Variants in COL9A1 observed in about 807,000 individuals in gnomAD.
The protein encoded by COL9A1 is collagen type IX alpha 1 chain, also known as collagen alpha-1(IX) chain.
COL9A1 carries 104 observed loss-of-function variants against 142.6 expected under a neutral mutation model. The observed-to-expected ratio is 0.73, with a 90% confidence interval of 0.62 to 0.86. The LOEUF is 0.86. COL9A1 is among the 40% of genes least tolerant of loss of function. The probability of loss-of-function intolerance (pLI) is 0.00; values close to 1 mark genes in which losing one functional copy is unlikely to be tolerated. For synonymous variants in COL9A1, 466 were observed against 396.0 expected, an observed-to-expected ratio of 1.18 and a Z score of -2.10; for missense variants, 1,210 against 1,176.6, an observed-to-expected ratio of 1.03 and a Z score of -0.42.
In COL9A1 at chr6:70,301,387, C is replaced by T. The variant is rs534156853; in HGVS notation, c.88+614G>A. 9.2e-5 allele frequency among the ~76,000 whole-genome samples: 14 copies of T among 152,186 alleles called. No homozygotes were observed. In the South Asian group the frequency reaches 2.9e-3, roughly 32 times the overall value. ...GGTCAGGTGTTCAAGACCAGCCTGA[C>T]CAACATGGTGAAAGCCCGTCTCTAC... is the stretch of plus-strand genomic sequence containing the variant. On this transcript the variant is annotated intron_variant, in intron 2 of 37. Transcript: ENST00000357250.
intron 36 of COL9A1, among the ~76,000 whole-genome samples, chr6:70,227,031 A>T (rs990432994): frequency 6.6e-6 from 1 of 152,138 alleles, no homozygotes; most frequent in African/African-American, 2.4e-5. Flanking sequence ...TACATACAGG[A>T]TTTGGGTTTA....
intron 10 of COL9A1, 184 bp from the exon 11 acceptor site, chr6:70,274,956 T>C (rs1227287807): frequency 1.7e-6 from 1 of 596,278 alleles, no homozygotes; most frequent in Non-Finnish European, 3.0e-6. Flanking sequence ...AAGATCTGCC[T>C]GTTGTGATTA....
chr6:70,237,841 G>T (rs1414477741), intron 33 of COL9A1, among the ~76,000 whole-genome samples: 1 of 152,224 alleles, frequency 6.6e-6, no homozygotes, highest in Non-Finnish European at 1.5e-5. Context: ...TTTGCAAAGA[G>T]CCCAAGGCTA....
chr6:70,280,060 G>A, intron 10 of COL9A1: 1 of 688,432 alleles, frequency 1.5e-6, no homozygotes, highest in Non-Finnish European at 2.7e-6. Context: ...GGAAAGAGGA[G>A]AAGCTGAGAA....
At position 70,250,830 on chromosome 6, in the gene COL9A1, A is replaced by G. The variant is rs1583258766; in HGVS notation, c.1872+1290T>C. Among the ~76,000 whole-genome samples the G allele has an allele frequency of 2.6e-5, 4 of 152,332 alleles. No individual in the cohort carries two copies. The South Asian group carries it at 8.3e-4, about 32-fold the overall frequency. On this transcript the variant is annotated intron_variant, in intron 28 of 37. Transcript: ENST00000357250. ...TGTATAATATTTAATTTCCTAATCA[A>G]TTTCTCTCTAGGGTTAAACTGTGTA...
chr6:70,302,450 C>T (rs556675030), intron 1 of COL9A1, among the ~76,000 whole-genome samples: 3 of 152,052 alleles, frequency 2.0e-5, no homozygotes, highest in African/African-American at 4.8e-5. Context: ...CCTCGTGATT[C>T]GCCCGCCTCG....
intron 5 of COL9A1, among the ~76,000 whole-genome samples, chr6:70,290,050 C>T (rs183049731): frequency 4.4e-4 from 67 of 152,150 alleles, no homozygotes; most frequent in African/African-American, 1.6e-3. Context: ...TAAGTCTGTC[C>T]GATTAATCAC....
chr6:70,275,752 A>G (rs1343563799), intron 10 of COL9A1, among the ~76,000 whole-genome samples: 1 of 152,140 alleles, frequency 6.6e-6, no homozygotes, highest in African/African-American at 2.4e-5. Flanking sequence ...TAAATATGAT[A>G]TATATGTGTG....
In COL9A1 at chr6:70,274,736, C is replaced by T. The variant is rs746134032; in HGVS notation, c.1012G>A (p.Gly338Arg). 1.9e-6 allele frequency: 3 copies of T among 1,612,504 alleles called. No individual in the cohort carries two copies. The highest frequency in any genetic ancestry group is 2.5e-6 in the Non-Finnish European group (3 of 1,178,730). Reference protein sequence around the residue: ...TGPDGSPGSIGSKGQKGEPGV... With the variant: ...TGPDGSPGSIRSKGQKGEPGV... The stretch of plus-strand genomic sequence containing the variant: ...TAACTTACTTTTTGTCCCTTTGACC[C>T]AATGGAGCCAGGGGATCCATCAGGT... Residue 338 changes from glycine (G) to arginine (R), a missense_variant, in exon 11 of 38, where the codon GGG becomes AGG. Transcript: ENST00000357250.
chr6:70,280,360 C>A lies in COL9A1; in HGVS notation c.975+452G>T, dbSNP rs1055228093. 26 of 1,178,296 alleles carry A rather than the reference C, an allele frequency of 2.2e-5. No individual in the cohort carries two copies. In the East Asian group the frequency reaches 4.1e-4, roughly 19 times the overall value. 73.0% of individuals were successfully genotyped at this position (1,178,296 alleles called of 1,614,324 possible). A position where few individuals can be genotyped will look rare whatever the true frequency, so the allele number is the denominator to read the frequency against. ...AGTGCTCTGGCCCTTTGCCTACCTG[C>A]AGGATCTTTTTCTAAATTAATGCAG... On this transcript the variant is annotated intron_variant, in intron 10 of 37. Transcript: ENST00000357250.
At chr6:70,288,895 G>A (rs1412898821) in intron 5 of COL9A1, among the ~76,000 whole-genome samples, 1 of 152,102 alleles carries the variant, frequency 6.6e-6, no homozygotes, top group Non-Finnish European at 1.5e-5. Flanking sequence ...TCTTTACACA[G>A]AATGTAAGCG....
At position 70,300,318 on chromosome 6, in the gene COL9A1, C is replaced by T. The variant is rs1266332633; in HGVS notation, c.157G>A (p.Asp53Asn). 1 of 1,613,414 alleles carries T rather than the reference C, an allele frequency of 6.2e-7. No individual in the cohort carries two copies. Among genetic ancestry groups the T allele is most frequent in the Non-Finnish European group, 8.5e-7 (1 of 1,179,536 alleles). The change falls in exon 3 of 38, where the codon GAC becomes AAC. Residue 53 changes from aspartate (D) to asparagine (N), a missense_variant. By Grantham distance (23) the Asp-to-Asn change is conservative. Transcript: ENST00000357250. ...LCPKIRIGQD[D>N]LPGFDLISQF... ...GTACATTGCTACTCACCTGGTAAGTCATCTTGGCCAATCCTGATCTTTGGA... is the reference window on the plus strand; with the variant it reads ...GTACATTGCTACTCACCTGGTAAGTTATCTTGGCCAATCCTGATCTTTGGA...
At chr6:70,298,059 C>G (rs185459971) in intron 4 of COL9A1, among the ~76,000 whole-genome samples, 1 of 152,190 alleles carries the variant, frequency 6.6e-6, no homozygotes, top group Non-Finnish European at 1.5e-5. Context: ...GTCTACACCT[C>G]GTATGGCCGA....
intron 28 of COL9A1, among the ~76,000 whole-genome samples, chr6:70,246,570 T>C (rs1770622838): frequency 6.6e-6 from 1 of 152,180 alleles, no homozygotes; most frequent in Admixed American, 6.5e-5. Context: ...TGCCCTCTGA[T>C]TCTAATTCTG....
At chr6:70,283,962 C>T (rs1443518380) in intron 5 of COL9A1, 142 bp from the exon 6 acceptor site, 11 of 723,376 alleles carry the variant, frequency 1.5e-5, no homozygotes, top group Non-Finnish European at 2.5e-5. Flanking sequence ...AGGACTCTTG[C>T]TTTTCCTTGA....
intron 33 of COL9A1, among the ~76,000 whole-genome samples, chr6:70,235,870 T>G (rs1282685021): frequency 1.3e-5 from 2 of 152,010 alleles, no homozygotes; most frequent in Non-Finnish European, 2.9e-5. Context: ...ATCCCAGCAC[T>G]TTGGGAGGCC....
At position 70,248,145 on chromosome 6, in the gene COL9A1, G is replaced by A. The variant is rs577455402; in HGVS notation, c.1872+3975C>T. ...GAAGCCAGGAAGACAGAAATGGACC[G>A]AGAGCTACCACATGGTAGGACCAAA... On this transcript the variant is annotated intron_variant, in intron 28 of 37. Coordinates refer to ENST00000357250, the MANE Select transcript of COL9A1 (RefSeq NM_001851.6). Among the ~76,000 whole-genome samples, 9 of 152,218 alleles carry A rather than the reference G, an allele frequency of 5.9e-5. No homozygotes were observed. In the East Asian group the frequency reaches 7.7e-4, roughly 13 times the overall value.
intron 5 of COL9A1, 65 bp from the exon 6 acceptor site, chr6:70,283,885 A>G: frequency 1.8e-6 from 2 of 1,142,620 alleles, no homozygotes; most frequent in Non-Finnish European, 2.6e-6. Context: ...CATTCAAGAG[A>G]GAGATGAGTT....
At chr6:70,267,319 G>GTTTTTTTTTTTT (rs1050364230) in intron 17 of COL9A1, among the ~76,000 whole-genome samples, 1,300 of 99,246 alleles carry the variant, frequency 0.013, 56 homozygotes, top group South Asian at 0.023. Context: ...TGTTTGTTTG[G>GTTTTTTTTTTTT]TTTTTTTGTT....
Sources: allele counts gnomAD v4.1 joint callset (sites outside exome capture counted in the v4.1 genomes callset), GRCh38; gene constraint gnomAD v4.1.1; transcripts MANE v1.5; gene names NCBI Gene and HGNC (gene_info 2026-07-23, HGNC 2026-07-21).